Variants in DNAH5 observed in about 807,000 individuals in gnomAD.
DNAH5 encodes the protein dynein axonemal heavy chain 5.
Under a neutral mutation model 518.2 loss-of-function variants are expected in DNAH5, and 372 were observed. The observed-to-expected ratio is 0.72, with a 90% CI of 0.66 to 0.78. The LOEUF is 0.78. Among genes scored for constraint, DNAH5 ranks in the 30% least tolerant of loss-of-function variants. DNAH5 has a pLI of 0.00. For missense variants in DNAH5, 5,523 were observed against 5,687.0 expected, an observed-to-expected ratio of 0.97 and a Z score of 0.93; for synonymous variants, 2,039 against 2,025.9, an observed-to-expected ratio of 1.01 and a Z score of -0.17.
chr5:13,901,933 C>A, intron 13 of DNAH5, 120 bp downstream of exon 13: 1 of 751,802 alleles, frequency 1.3e-6, no homozygotes, highest in Non-Finnish European at 2.2e-6. Flanking sequence ...CCTTGTGACC[C>A]AAATTGCCAA....
chr5:13,804,488 T>C (rs1400057782), intron 47 of DNAH5, among the ~76,000 whole-genome samples: 3 of 152,240 alleles, frequency 2.0e-5, no homozygotes, highest in African/African-American at 7.2e-5. Context: ...CCATCAGCCC[T>C]GTTTAGCATG....
At chr5:13,789,340 G>A (rs1756590374) in intron 50 of DNAH5, among the ~76,000 whole-genome samples, 1 of 152,042 alleles carries the variant, frequency 6.6e-6, no homozygotes, top group Admixed American at 6.6e-5. Flanking sequence ...AACACAAAGT[G>A]AATAAAATTT....
intron 15 of DNAH5, among the ~76,000 whole-genome samples, chr5:13,896,090 AG>A (rs1216276384): frequency 6.6e-6 from 1 of 151,896 alleles, no homozygotes; most frequent in African/African-American, 2.4e-5. Flanking sequence ...GTGGAAAGCA[AG>A]TCAGATCCTG....
intron 16 of DNAH5, 103 bp downstream of exon 16, chr5:13,894,547 C>T (rs1439370768): frequency 2.4e-6 from 3 of 1,247,714 alleles, no homozygotes; most frequent in East Asian, 2.4e-5. Flanking sequence ...ATAACACTCC[C>T]CATTTCATTA....
At chr5:13,705,380 C>G (rs1170981510) in intron 76 of DNAH5, among the ~76,000 whole-genome samples, 1 of 152,124 alleles carries the variant, frequency 6.6e-6, no homozygotes, top group Non-Finnish European at 1.5e-5. Flanking sequence ...GAGGTAATGC[C>G]TATGTTAATT....
At chr5:13,769,708 T>A (rs932985276) in intron 56 of DNAH5, 93 bp from the exon 57 acceptor site, 1 of 1,083,236 alleles carries the variant, frequency 9.2e-7, no homozygotes, top group African/African-American at 1.5e-5. Flanking sequence ...GTAATGGTTA[T>A]ATCTGAAGAT....
chr5:13,850,484 T>A (rs568924463), intron 31 of DNAH5, among the ~76,000 whole-genome samples, 168 bp downstream of exon 31: 1 of 152,306 alleles, frequency 6.6e-6, no homozygotes, highest in South Asian at 2.1e-4. Flanking sequence ...ATCTAGCAAG[T>A]CTTTGATGAG....
At chr5:13,830,282 A>G in intron 36 of DNAH5, 69 bp from the exon 37 acceptor site, 2 of 1,388,246 alleles carry the variant, frequency 1.4e-6, no homozygotes, top group East Asian at 2.4e-5. Context: ...AAAGGATATT[A>G]TGTAGCTGCT....
intron 40 of DNAH5, among the ~76,000 whole-genome samples, chr5:13,820,841 A>AAAAAAAAAAAAAAAAAAAAAG: frequency 7.3e-6 from 1 of 137,560 alleles, no homozygotes; most frequent in Non-Finnish European, 1.5e-5. Flanking sequence ...AAAAAAAAAA[A>AAAAAAAAAAAAAAAAAAAAAG]AAACACATCA....
At chr5:13,905,208 GTCCTCTCCAAAAC>G (rs1775139137) in intron 12 of DNAH5, among the ~76,000 whole-genome samples, 1 of 152,170 alleles carries the variant, frequency 6.6e-6, no homozygotes, top group South Asian at 2.1e-4. Flanking sequence ...TGGTTTAAAT[GTCCTCTCCAAAAC>G]TCCTGTTGAA....
At chr5:13,809,422 A>T (rs771633058) in intron 45 of DNAH5, among the ~76,000 whole-genome samples, 3 of 152,218 alleles carry the variant, frequency 2.0e-5, no homozygotes, top group African/African-American at 7.2e-5. Context: ...GGAATTTTTT[A>T]AAAATATATA....
At chr5:13,866,157 ATG>A in intron 26 of DNAH5, 61 bp downstream of exon 26, 2 of 1,461,772 alleles carry the variant, frequency 1.4e-6, no homozygotes, top group Non-Finnish European at 1.9e-6. Flanking sequence ...AAGAAAACAT[ATG>A]TGTGTTTAAA....
chr5:13,950,985 C>G (rs1485903383), intron 1 of DNAH5, among the ~76,000 whole-genome samples: 1 of 152,064 alleles, frequency 6.6e-6, no homozygotes, highest in Non-Finnish European at 1.5e-5. Context: ...AATATACAAC[C>G]ACAATTAATT....
intron 23 of DNAH5, 118 bp downstream of exon 23, chr5:13,871,446 T>C: frequency 1.1e-6 from 1 of 906,146 alleles, no homozygotes; most frequent in Non-Finnish European, 1.7e-6. Flanking sequence ...GTTTTAAAGC[T>C]TGAGGCCCAT....
At chr5:13,768,647 A>T (rs1324198853) in intron 58 of DNAH5, among the ~76,000 whole-genome samples, 1 of 152,202 alleles carries the variant, frequency 6.6e-6, no homozygotes, top group African/African-American at 2.4e-5. Flanking sequence ...GTTGCCTTAG[A>T]AAGTTGATGT....
At position 13,901,468 on chromosome 5, in the gene DNAH5, G is replaced by A. The variant is rs1035218078; in HGVS notation, c.1836C>T (p.Tyr612=). 23 of 1,613,860 alleles carry A rather than the reference G, an allele frequency of 1.4e-5. No homozygotes were observed. Among genetic ancestry groups the A allele is most frequent in the Non-Finnish European group, 1.7e-5 (20 of 1,179,958 alleles). Reference sequence around the variant, plus strand: ...GCTGGTTTCGAGCCAGAGGAGGATCGTATTTCTGCTTTGTATACAGCTTTG... The same window carrying A: ...GCTGGTTTCGAGCCAGAGGAGGATCATATTTCTGCTTTGTATACAGCTTTG... ...MISKLYTKQK[Y]DPPLARNQPP... Residue 612 remains tyrosine, a synonymous_variant, in exon 14 of 79, where the codon TAC becomes TAT. Coordinates refer to ENST00000265104, the MANE Select transcript of DNAH5 (RefSeq NM_001369.3).
intron 41 of DNAH5, among the ~76,000 whole-genome samples, chr5:13,818,014 G>A (rs1345755790): frequency 6.6e-6 from 1 of 151,958 alleles, no homozygotes; most frequent in African/African-American, 2.4e-5. Context: ...AAAAATCTTT[G>A]GTTTAAGCTA....
At chr5:13,800,126 C>T (rs1409764038) in intron 47 of DNAH5, among the ~76,000 whole-genome samples, 1 of 152,028 alleles carries the variant, frequency 6.6e-6, no homozygotes, top group Non-Finnish European at 1.5e-5. Flanking sequence ...GTGTTGTGCA[C>T]CTGCATTTTG....
chr5:13,823,380 G>A lies in DNAH5; in HGVS notation c.6580-10C>T. ...GTTCATCCTCATCAATCTAAAAAAA[G>A]AAAATGGGAAATCAGACCAATTATT... On this transcript the variant is annotated splice_polypyrimidine_tract_variant and intron_variant, in intron 39 of 78. Coordinates refer to ENST00000265104, the MANE Select transcript of DNAH5 (RefSeq NM_001369.3). 1 of 1,566,712 alleles carries A rather than the reference G, an allele frequency of 6.4e-7. No individual in the cohort carries two copies. The highest frequency in any genetic ancestry group is 8.8e-7 in the Non-Finnish European group (1 of 1,137,304).
Sources: gnomAD v4.1 joint callset for allele counts (sites outside exome capture counted in the v4.1 genomes callset) on GRCh38, gnomAD v4.1.1 for gene constraint, MANE v1.5 for transcripts, NCBI Gene and HGNC (gene_info 2026-07-23, HGNC 2026-07-21) for gene names.